Variants in PIK3C2G observed in about 807,000 individuals in gnomAD.
PIK3C2G encodes the protein phosphatidylinositol-4-phosphate 3-kinase catalytic subunit type 2 gamma, also known as phosphatidylinositol 3-kinase C2 domain-containing subunit gamma.
In PIK3C2G, 168 loss-of-function variants were observed where a neutral mutation model predicts 181.1. The ratio of observed to expected loss-of-function variants is 0.93; its 90% confidence interval spans 0.82 to 1.05. The LOEUF is 1.05. Ranked by LOEUF, PIK3C2G falls within the 50% of genes least tolerant of loss-of-function variation. PIK3C2G has a pLI of 0.00. For synonymous variants in PIK3C2G, 573 were observed against 592.2 expected, an observed-to-expected ratio of 0.97 and a Z score of 0.47; for missense variants, 1,869 against 1,732.8, an observed-to-expected ratio of 1.08 and a Z score of -1.40.
chr12:18,709,329 T>C, the PIK3C2G span, among the ~76,000 whole-genome samples: 1 of 152,134 alleles, frequency 6.6e-6, no homozygotes, highest in Non-Finnish European at 1.5e-5. Flanking sequence ...TGACCATATA[T>C]GCTTAGGTTG....
At chr12:18,249,307 T>A (rs1948072742) in intron 1 of PIK3C2G, among the ~76,000 whole-genome samples, 1 of 152,182 alleles carries the variant, frequency 6.6e-6, no homozygotes, top group Non-Finnish European at 1.5e-5. Flanking sequence ...GGAATGAATA[T>A]CTAATGGTGG....
At chr12:18,361,037 C>T (rs76011760) in intron 11 of PIK3C2G, among the ~76,000 whole-genome samples, 1 of 151,880 alleles carries the variant, frequency 6.6e-6, no homozygotes, top group African/African-American at 2.4e-5. Context: ...CTTGACGGTG[C>T]CCATTATTCT....
Position 18,381,899 on chromosome 12 carries a change from G to C in PIK3C2G, c.1995+19G>C. ...CCTGCAGGTAAGTGCCAGGCTAAAA[G>C]ATTAAAGTACACATGGCAAGTATTG... On this transcript the variant is annotated intron_variant, in intron 14 of 32. Transcript: ENST00000538779. 7.2e-7 allele frequency: 1 copy of C among 1,392,980 alleles called. No individual in the cohort carries two copies. The highest frequency in any genetic ancestry group is 1.0e-6 in the Non-Finnish European group (1 of 978,054). 86.3% of individuals were successfully genotyped at this position (1,392,980 alleles called of 1,614,324 possible).
At chr12:18,606,337 A>G (rs1452535267) in intron 30 of PIK3C2G, among the ~76,000 whole-genome samples, 2 of 152,110 alleles carry the variant, frequency 1.3e-5, no homozygotes, top group South Asian at 2.1e-4. Flanking sequence ...ATTCAAATAT[A>G]ATGTTCGTTG....
chr12:18,263,315 A>G (rs1213906597), intron 1 of PIK3C2G, among the ~76,000 whole-genome samples: 2 of 152,114 alleles, frequency 1.3e-5, no homozygotes, highest in Admixed American at 6.5e-5. Flanking sequence ...CAGTCTGTAC[A>G]ATACTGACTT....
chr12:18,505,736 AT>A (rs1202108342), intron 24 of PIK3C2G, among the ~76,000 whole-genome samples: 6 of 152,178 alleles, frequency 3.9e-5, no homozygotes, highest in Non-Finnish European at 8.8e-5. Flanking sequence ...TTGAAGTAAT[AT>A]TGTTTGTTTC....
intron 24 of PIK3C2G, among the ~76,000 whole-genome samples, chr12:18,524,327 T>C (rs990141094): frequency 2.0e-5 from 3 of 152,156 alleles, no homozygotes; most frequent in Non-Finnish European, 2.9e-5. Context: ...TCATAGCCCT[T>C]CTAGATTCTG....
chr12:18,504,243 T>C (rs952913056), intron 23 of PIK3C2G, among the ~76,000 whole-genome samples: 1 of 152,086 alleles, frequency 6.6e-6, no homozygotes, highest in Admixed American at 6.6e-5. Flanking sequence ...TCCATAACAT[T>C]GTGTTGGAGC....
At chr12:18,467,647 T>C (rs1276862890) in intron 18 of PIK3C2G, among the ~76,000 whole-genome samples, 1 of 151,950 alleles carries the variant, frequency 6.6e-6, no homozygotes, top group African/African-American at 2.4e-5. Flanking sequence ...CTCCTCATGT[T>C]AGGTAGTGAG....
At chr12:18,704,733 C>G in the PIK3C2G span, among the ~76,000 whole-genome samples, 1 of 152,006 alleles carries the variant, frequency 6.6e-6, no homozygotes, top group Non-Finnish European at 1.5e-5. Context: ...CAAATTAAGA[C>G]GGAAAGGGTC....
At chr12:18,279,322 G>A (rs11044002) in intron 1 of PIK3C2G, among the ~76,000 whole-genome samples, 12,179 of 151,960 alleles carry the variant, frequency 0.08, 549 homozygotes, top group Non-Finnish European at 0.093. Context: ...TAAAACATGT[G>A]AATATCTACA....
At chr12:18,464,643 C>T (rs1007648158) in intron 18 of PIK3C2G, among the ~76,000 whole-genome samples, 1 of 152,028 alleles carries the variant, frequency 6.6e-6, no homozygotes, top group Non-Finnish European at 1.5e-5. Context: ...CTAATGTTTA[C>T]ACCCTTACAA....
the PIK3C2G span, among the ~76,000 whole-genome samples, chr12:18,721,996 C>T: frequency 6.6e-6 from 1 of 152,052 alleles, no homozygotes; most frequent in Non-Finnish European, 1.5e-5. Context: ...ATCTCTCTCT[C>T]ATTCTCAAAG....
intron 24 of PIK3C2G, among the ~76,000 whole-genome samples, chr12:18,534,589 T>C (rs974754075): frequency 1.3e-5 from 2 of 151,950 alleles, no homozygotes; most frequent in Non-Finnish European, 2.9e-5. Context: ...ATTCATCGCA[T>C]GTAAGAGAAT....
intron 4 of PIK3C2G, among the ~76,000 whole-genome samples, chr12:18,292,724 GGAGA>G (rs934460569): frequency 4.6e-5 from 7 of 152,164 alleles, no homozygotes; most frequent in Non-Finnish European, 8.8e-5. Flanking sequence ...AGGAAAAGGT[GGAGA>G]GAGAGAGTAG....
chr12:18,585,641 A>C (rs532501582), intron 29 of PIK3C2G, among the ~76,000 whole-genome samples: 1 of 152,310 alleles, frequency 6.6e-6, no homozygotes, highest in Admixed American at 6.5e-5. Context: ...CAGATCATTG[A>C]GGCAGAAAAT....
intron 5 of PIK3C2G, among the ~76,000 whole-genome samples, chr12:18,295,871 A>G (rs1373674312): frequency 2.6e-5 from 4 of 152,050 alleles, no homozygotes. Flanking sequence ...TTCAAATATT[A>G]CTTTTAGTGT....
intron 5 of PIK3C2G, among the ~76,000 whole-genome samples, chr12:18,300,533 C>CA (rs1950132316): frequency 6.6e-6 from 1 of 152,032 alleles, no homozygotes; most frequent in Non-Finnish European, 1.5e-5. Context: ...TTCTTGTAGA[C>CA]AGCATATAAT....
intron 5 of PIK3C2G, among the ~76,000 whole-genome samples, chr12:18,303,966 G>A (rs1950317299): frequency 6.6e-6 from 1 of 151,582 alleles, no homozygotes; most frequent in Admixed American, 6.6e-5. Flanking sequence ...AAATTCTACA[G>A]TAATTAAAAA....
Sources: gnomAD v4.1 joint callset for allele counts (sites outside exome capture counted in the v4.1 genomes callset) on GRCh38, gnomAD v4.1.1 for gene constraint, MANE v1.5 for transcripts, NCBI Gene and HGNC (gene_info 2026-07-23, HGNC 2026-07-21) for gene names.